The following PPM1L variants were observed in gnomAD, a reference collection of about 807,000 sequenced individuals.
The protein encoded by PPM1L is protein phosphatase 1L.
PPM1L carries 13 observed loss-of-function variants against 31.4 expected under a neutral mutation model. The ratio of observed to expected loss-of-function variants is 0.41; its 90% CI spans 0.27 to 0.66. The LOEUF is 0.66. Among genes scored for constraint, PPM1L ranks in the 30% least tolerant of loss-of-function variants. The pLI, the probability that PPM1L is intolerant of heterozygous loss-of-function variation, is 0.29. For missense variants in PPM1L, 326 were observed against 453.7 expected, an observed-to-expected ratio of 0.72 and a Z score of 2.56; for synonymous variants, 184 against 175.4, an observed-to-expected ratio of 1.05 and a Z score of -0.39.
At chr3:160,802,656 G>A (rs999874756) in intron 1 of PPM1L, among the ~76,000 whole-genome samples, 6 of 152,102 alleles carry the variant, frequency 3.9e-5, no homozygotes, top group African/African-American at 9.7e-5. Flanking sequence ...TATTTATACT[G>A]TAAATTTTAA....
In PPM1L at chr3:161,069,136, C is replaced by T. The variant is rs1719835157; in HGVS notation, c.1062C>T (p.Ser354=). The change falls in exon 4 of 4, where the codon AGC becomes AGT. Residue 354 remains serine, a synonymous_variant. Transcript: ENST00000498165. ...ITVMVVKFRN[S]SKTEEQ is the part of the protein sequence containing the mutation. ...TCATGGTGGTGAAGTTCAGAAATAG[C>T]AGCAAAACAGAAGAGCAGTGAACCC... The T allele has an allele frequency of 6.2e-7, 1 of 1,613,352 alleles. No homozygotes were observed. Among genetic ancestry groups the T allele is most frequent in the Admixed American group, 1.7e-5 (1 of 59,954 alleles).
At chr3:160,798,640 A>G (rs1036365078) in intron 1 of PPM1L, among the ~76,000 whole-genome samples, 1 of 152,240 alleles carries the variant, frequency 6.6e-6, no homozygotes, top group African/African-American at 2.4e-5. Context: ...GCTCATTGAC[A>G]ATACACCTAG....
intron 1 of PPM1L, chr3:160,842,148 C>T (rs531940267): frequency 2.3e-5 from 15 of 648,634 alleles, no homozygotes; most frequent in East Asian, 5.5e-5. Flanking sequence ...ATTTTGTGTG[C>T]GTGCATCCTG....
At chr3:160,905,940 C>T (rs188704163) in intron 1 of PPM1L, among the ~76,000 whole-genome samples, 47 of 151,790 alleles carry the variant, frequency 3.1e-4, no homozygotes, top group Non-Finnish European at 1.3e-4. Context: ...AAATCTTAGC[C>T]CTAGTTTTCC....
intron 3 of PPM1L, among the ~76,000 whole-genome samples, chr3:161,066,199 G>T (rs1305849966): frequency 6.6e-6 from 1 of 152,206 alleles, no homozygotes; most frequent in Non-Finnish European, 1.5e-5. Context: ...TTGGCTTAGT[G>T]CCTGGTATAA....
chr3:160,903,208 TTGTG>T (rs59232471), intron 1 of PPM1L, among the ~76,000 whole-genome samples: 538 of 120,098 alleles, frequency 4.5e-3, no homozygotes, highest in South Asian at 0.016. Context: ...GTGTGTATGT[TTGTG>T]TGTGTGTGTG....
intron 2 of PPM1L, among the ~76,000 whole-genome samples, chr3:161,008,374 G>T (rs965643813): frequency 9.2e-5 from 14 of 152,138 alleles, no homozygotes; most frequent in Non-Finnish European, 1.5e-4. Context: ...TATCCTTTTT[G>T]TCCAATCACA....
intron 1 of PPM1L, among the ~76,000 whole-genome samples, chr3:160,840,859 A>G (rs978576895): frequency 3.9e-5 from 6 of 152,062 alleles, no homozygotes; most frequent in Admixed American, 3.9e-4. Flanking sequence ...CTTTCTTTCT[A>G]TCTGGGCTGT....
chr3:160,985,981 C>CAAAA (rs1553752453), intron 2 of PPM1L, among the ~76,000 whole-genome samples: 43 of 148,944 alleles, frequency 2.9e-4, no homozygotes, highest in African/African-American at 9.6e-4. Flanking sequence ...TCCACCCACC[C>CAAAA]AAAAAAAAAA....
intron 2 of PPM1L, among the ~76,000 whole-genome samples, chr3:160,977,125 G>A (rs1716615770): frequency 6.6e-6 from 1 of 152,068 alleles, no homozygotes; most frequent in Non-Finnish European, 1.5e-5. Flanking sequence ...GAAAGACACT[G>A]TTTTTTTAAG....
At chr3:160,982,989 A>G (rs550551611) in intron 2 of PPM1L, among the ~76,000 whole-genome samples, 353 of 152,296 alleles carry the variant, frequency 2.3e-3, no homozygotes, top group African/African-American at 8.3e-3. Flanking sequence ...CTCGTTTCAA[A>G]TTGCTTTTTT....
Position 160,904,875 on chromosome 3 carries a change from A to T in PPM1L, c.400-56861A>T, listed in dbSNP as rs1052196365. Reference sequence around the variant, plus strand: ...CTATGCTATTCCTGGAGCCAGCCTGAGATGTGAGATGTGAACCTGCTGTTC... The same window carrying T: ...CTATGCTATTCCTGGAGCCAGCCTGTGATGTGAGATGTGAACCTGCTGTTC... On this transcript the variant is annotated intron_variant, in intron 1 of 3. Coordinates refer to ENST00000498165, the MANE Select transcript of PPM1L (RefSeq NM_139245.4). Among the ~76,000 whole-genome samples, 13 of 152,228 alleles carry T rather than the reference A, an allele frequency of 8.5e-5. No individual in the cohort carries two copies. In the South Asian group the frequency reaches 2.1e-3, roughly 24 times the overall value.
chr3:160,975,890 G>A (rs1294161351), intron 2 of PPM1L, among the ~76,000 whole-genome samples: 2 of 146,350 alleles, frequency 1.4e-5, no homozygotes, highest in African/African-American at 5.1e-5. Context: ...AATTGCCCTG[G>A]CCAGAACTTC....
intron 1 of PPM1L, among the ~76,000 whole-genome samples, chr3:160,944,877 AAC>A (rs371352979): frequency 0.47 from 22,124 of 47,058 alleles, 6,976 homozygotes; most frequent in Middle Eastern, 0.6. Flanking sequence ...TGTTATATAT[AAC>A]ATATATATTA....
intron 2 of PPM1L, among the ~76,000 whole-genome samples, chr3:160,993,336 A>T (rs1276436967): frequency 6.6e-6 from 1 of 152,132 alleles, no homozygotes; most frequent in African/African-American, 2.4e-5. Context: ...TCTAATCTAG[A>T]TTAGTCTCGA....
intron 1 of PPM1L, among the ~76,000 whole-genome samples, chr3:160,765,794 A>G (rs1715087661): frequency 6.6e-6 from 1 of 152,176 alleles, no homozygotes; most frequent in Admixed American, 6.5e-5. Flanking sequence ...TGTTTGCATA[A>G]CTTTTCTTTA....
intron 2 of PPM1L, among the ~76,000 whole-genome samples, chr3:161,004,446 T>A (rs1289588817): frequency 2.1e-5 from 3 of 139,564 alleles, no homozygotes; most frequent in African/African-American, 8.2e-5. Flanking sequence ...TCTGGTAGAA[T>A]TCGGCTGTGA....
intron 1 of PPM1L, among the ~76,000 whole-genome samples, chr3:160,800,059 A>G (rs748823666): frequency 6.6e-6 from 1 of 152,124 alleles, no homozygotes; most frequent in South Asian, 2.1e-4. Context: ...AGTATTTTTT[A>G]TTCATGCCAC....
At chr3:161,052,763 T>C (rs1243971250) in intron 2 of PPM1L, among the ~76,000 whole-genome samples, 1 of 152,192 alleles carries the variant, frequency 6.6e-6, no homozygotes, top group African/African-American at 2.4e-5. Context: ...CATTTTAAAT[T>C]AAAACTATAG....
Sources: gnomAD v4.1 joint callset for allele counts (sites outside exome capture counted in the v4.1 genomes callset) on GRCh38, gnomAD v4.1.1 for gene constraint, MANE v1.5 for transcripts, NCBI Gene and HGNC (gene_info 2026-07-23, HGNC 2026-07-21) for gene names.